CDH2: variants seen among roughly 807,000 people sequenced by gnomAD.
CDH2 encodes cadherin-2.
Under a neutral mutation model 92.0 loss-of-function variants are expected in CDH2, and 17 were observed. The ratio of observed to expected loss-of-function variants is 0.18; its 90% confidence interval spans 0.13 to 0.28. CDH2 has a LOEUF of 0.28. Ranked by LOEUF, CDH2 falls within the 10% of genes least tolerant of loss-of-function variation. The pLI, the probability that CDH2 is intolerant of heterozygous loss-of-function variation, is 1.00. For missense variants in CDH2, 862 were observed against 1,133.1 expected, an observed-to-expected ratio of 0.76 and a Z score of 3.44; for synonymous variants, 419 against 415.9, an observed-to-expected ratio of 1.01 and a Z score of -0.09.
At chr18:28,095,946 T>A (rs1177217380) in intron 2 of CDH2, among the ~76,000 whole-genome samples, 1 of 152,032 alleles carries the variant, frequency 6.6e-6, no homozygotes, top group African/African-American at 2.4e-5. Flanking sequence ...GCATAAAGGT[T>A]ACAGCACGAA....
At chr18:27,964,901 A>G (rs2143892767) in intron 14 of CDH2, among the ~76,000 whole-genome samples, 1 of 152,308 alleles carries the variant, frequency 6.6e-6, no homozygotes, top group East Asian at 1.9e-4. Context: ...AAGGTAAGGA[A>G]CTAGATAAAC....
chr18:28,117,367 C>T (rs1278816535), intron 2 of CDH2, among the ~76,000 whole-genome samples: 1 of 152,126 alleles, frequency 6.6e-6, no homozygotes, highest in Admixed American at 6.6e-5. Context: ...CCCTTCCAGG[C>T]TGGCCACCTG....
intron 1 of CDH2, among the ~76,000 whole-genome samples, chr18:28,168,863 G>C (rs1043817009): frequency 6.6e-6 from 1 of 151,996 alleles, no homozygotes; most frequent in Admixed American, 6.6e-5. Context: ...CTTCTTTATT[G>C]TGACAGTCAT....
intron 15 of CDH2, among the ~76,000 whole-genome samples, chr18:27,957,648 G>C (rs8098761): frequency 6.6e-6 from 1 of 151,824 alleles, no homozygotes; most frequent in Admixed American, 6.6e-5. Flanking sequence ...CCAACACACT[G>C]CCTGACATTC....
At chr18:27,945,378 T>C (rs1364634221) in intron 6 of CDH2, among the ~76,000 whole-genome samples, 2 of 141,530 alleles carry the variant, frequency 1.4e-5, no homozygotes, top group Non-Finnish European at 3.0e-5. Flanking sequence ...GCTAAGGATA[T>C]GGTGATAATA....
rs541314099 is a variant in CDH2, at chr18:28,066,187, T to C, written c.173-52278A>G. ...TACAATGGACTGAACTAAACAATAA[T>C]AAACAATATTTCAATTGCACACAGG... On this transcript the variant is annotated intron_variant, in intron 2 of 15. Coordinates refer to ENST00000269141, the MANE Select transcript of CDH2 (RefSeq NM_001792.5). 2.4e-3 allele frequency among the ~76,000 whole-genome samples: 362 copies of C among 152,160 alleles called. 3 individuals are homozygous for C. The highest frequency in any genetic ancestry group is 7.7e-3 in the African/African-American group (319 of 41,518).
chr18:27,990,495 T>C, intron 9 of CDH2, 145 bp from the exon 10 acceptor site: 1 of 668,898 alleles, frequency 1.5e-6, no homozygotes. Flanking sequence ...CTGGAAAACA[T>C]GCATTAGCAT....
chr18:27,975,300 G>A (rs750473205), intron 14 of CDH2, among the ~76,000 whole-genome samples: 2 of 152,286 alleles, frequency 1.3e-5, no homozygotes, highest in Middle Eastern at 3.4e-3. Flanking sequence ...CCACAGCCAC[G>A]TAGCCTTACT....
rs185825152 is a variant in CDH2, at chr18:28,144,674, A to T, written c.172+2999T>A. 6.6e-3 allele frequency among the ~76,000 whole-genome samples: 1,008 copies of T among 152,204 alleles called. 18 individuals carry two copies. Among genetic ancestry groups the T allele is most frequent in the African/African-American group, 0.023 (968 of 41,550 alleles). On this transcript the variant is annotated intron_variant, in intron 2 of 15. Coordinates refer to ENST00000269141, the MANE Select transcript of CDH2 (RefSeq NM_001792.5). ...ATGTTCAAAAATAGAGGCACAGTTA[A>T]GCAGAATCTGGTTTTGCTAACAAAA...
At position 27,993,594 on chromosome 18, in the gene CDH2, T is replaced by C; in HGVS notation, c.1064A>G (p.Glu355Gly). 6 of 1,613,684 alleles carry C rather than the reference T, an allele frequency of 3.7e-6. No individual in the cohort carries two copies. Among genetic ancestry groups the C allele is most frequent in the Non-Finnish European group, 5.1e-6 (6 of 1,179,544 alleles). Reference protein sequence around the residue: ...YTLIIQATDMEGNPTYGLSNT... With the variant: ...YTLIIQATDMGGNPTYGLSNT... ...TGAAAGGCCATATGTGGGATTGCCT[T>C]CCATGTCTGTAGCTTGAATTATTAA... The change falls in exon 8 of 16, where the codon GAA becomes GGA. Residue 355 changes from glutamate to glycine, a missense_variant. Glu to Gly is a moderately conservative substitution (Grantham distance 98, BLOSUM62 -2). Coordinates refer to ENST00000269141, the MANE Select transcript of CDH2 (RefSeq NM_001792.5).
intron 2 of CDH2, among the ~76,000 whole-genome samples, chr18:28,043,618 C>A (rs1394845620): frequency 6.7e-6 from 1 of 149,776 alleles, no homozygotes; most frequent in Non-Finnish European, 1.5e-5. Context: ...TCCATTACAT[C>A]TAATTTCACT....
At chr18:28,035,712 G>T (rs1383503029) in intron 2 of CDH2, among the ~76,000 whole-genome samples, 2 of 152,048 alleles carry the variant, frequency 1.3e-5, no homozygotes, top group African/African-American at 4.8e-5. Context: ...AATTTAAAGA[G>T]CTATTAATAA....
chr18:28,075,939 T>A (rs1886287652), intron 2 of CDH2, among the ~76,000 whole-genome samples: 1 of 152,118 alleles, frequency 6.6e-6, no homozygotes, highest in Admixed American at 6.5e-5. Context: ...GGAGATAGGG[T>A]AAGTAAGAAT....
chr18:28,020,062 G>C (rs1405887420), intron 2 of CDH2, among the ~76,000 whole-genome samples: 1 of 152,018 alleles, frequency 6.6e-6, no homozygotes, highest in Non-Finnish European at 1.5e-5. Context: ...AATTTCAATG[G>C]ATAACATGTG....
chr18:28,041,786 T>C (rs1477853667), intron 2 of CDH2, among the ~76,000 whole-genome samples: 1 of 152,176 alleles, frequency 6.6e-6, no homozygotes, highest in Non-Finnish European at 1.5e-5. Flanking sequence ...TCCTACAGTA[T>C]CAATATTTTC....
chr18:28,091,633 T>C (rs1215197791), intron 2 of CDH2, among the ~76,000 whole-genome samples: 1 of 152,240 alleles, frequency 6.6e-6, no homozygotes, highest in Non-Finnish European at 1.5e-5. Context: ...GACAACTTAC[T>C]GATTTACTAT....
intron 2 of CDH2, among the ~76,000 whole-genome samples, chr18:28,112,915 G>C (rs1310665590): frequency 6.6e-6 from 1 of 151,998 alleles, no homozygotes; most frequent in Non-Finnish European, 1.5e-5. Context: ...ACAGAAAAAG[G>C]AATCAAAGAG....
At chr18:27,991,095 C>T (rs1027829155) in intron 9 of CDH2, among the ~76,000 whole-genome samples, 1 of 152,142 alleles carries the variant, frequency 6.6e-6, no homozygotes, top group Non-Finnish European at 1.5e-5. Context: ...ATACTAACTT[C>T]CAAAGTTCAC....
At chr18:28,167,356 C>T (rs746862088) in intron 1 of CDH2, among the ~76,000 whole-genome samples, 1 of 151,994 alleles carries the variant, frequency 6.6e-6, no homozygotes, top group East Asian at 1.9e-4. Flanking sequence ...CATAAATGTG[C>T]GAGTGGCCTT....
Sources: gnomAD v4.1 joint callset for allele counts (sites outside exome capture counted in the v4.1 genomes callset) on GRCh38, gnomAD v4.1.1 for gene constraint, MANE v1.5 for transcripts, NCBI Gene and HGNC (gene_info 2026-07-23, HGNC 2026-07-21) for gene names.